Variants in KIAA1217 observed in about 807,000 individuals in gnomAD.
The protein encoded by KIAA1217 is sickle tail protein homolog.
A neutral mutation model predicts 163.9 loss-of-function variants in KIAA1217; 88 were observed. The observed-to-expected ratio is 0.54, with a 90% CI of 0.45 to 0.64. The LOEUF is 0.64. Ranked by LOEUF, KIAA1217 falls within the 30% of genes least tolerant of loss-of-function variation. The probability of loss-of-function intolerance (pLI) is 0.00; values close to 1 mark genes in which losing one functional copy is unlikely to be tolerated. For missense variants in KIAA1217, 2,372 were observed against 2,475.0 expected (o/e 0.96, Z 0.88); for synonymous variants, 903 against 923.1 (o/e 0.98, Z 0.39).
At chr10:23,850,455 C>T (rs1839255685) in intron 1 of KIAA1217, among the ~76,000 whole-genome samples, 1 of 152,064 alleles carries the variant, frequency 6.6e-6, no homozygotes, top group African/African-American at 2.4e-5. Context: ...AAACCAGATG[C>T]AGAAATGCAA....
intron 1 of KIAA1217, among the ~76,000 whole-genome samples, chr10:23,845,752 A>C (rs1288757509): frequency 2.0e-5 from 3 of 152,088 alleles, no homozygotes; most frequent in Non-Finnish European, 4.4e-5. Flanking sequence ...ACCATTTGTC[A>C]ATTTTGCCTT....
intron 1 of KIAA1217, among the ~76,000 whole-genome samples, chr10:23,710,538 T>G (rs1293812797): frequency 6.6e-6 from 1 of 152,164 alleles, no homozygotes; most frequent in East Asian, 1.9e-4. Context: ...AGAAACAGAG[T>G]AGCCTTATTG....
intron 1 of KIAA1217, among the ~76,000 whole-genome samples, chr10:23,889,356 C>T (rs1015361853): frequency 3.3e-5 from 5 of 151,834 alleles, no homozygotes; most frequent in Non-Finnish European, 7.4e-5. Context: ...TGCATATTGG[C>T]ACCTCATTGT....
chr10:24,315,676 A>G (rs2043257591), intron 2 of KIAA1217, among the ~76,000 whole-genome samples: 1 of 151,610 alleles, frequency 6.6e-6, no homozygotes, highest in Non-Finnish European at 1.5e-5. Context: ...AGGCAGGAGG[A>G]TCGAAGTCAA....
At chr10:24,272,003 C>T (rs2076815757) in intron 2 of KIAA1217, among the ~76,000 whole-genome samples, 1 of 151,996 alleles carries the variant, frequency 6.6e-6, no homozygotes, top group African/African-American at 2.4e-5. Context: ...AGACCAAAGC[C>T]CATGGGATGC....
At chr10:24,161,454 C>T (rs1160854987) in intron 2 of KIAA1217, among the ~76,000 whole-genome samples, 2 of 152,190 alleles carry the variant, frequency 1.3e-5, no homozygotes, top group South Asian at 2.1e-4. Flanking sequence ...ACTTTGTGAA[C>T]GCTGGGCTCT....
intron 2 of KIAA1217, among the ~76,000 whole-genome samples, chr10:24,094,457 C>T (rs1170384912): frequency 6.6e-6 from 1 of 152,202 alleles, no homozygotes; most frequent in Non-Finnish European, 1.5e-5. Context: ...ACAGACAGGA[C>T]CCTCAGCTGC....
chr10:24,232,986 A>T (rs1249653333), intron 2 of KIAA1217, among the ~76,000 whole-genome samples: 2 of 148,714 alleles, frequency 1.3e-5, no homozygotes, highest in Non-Finnish European at 3.0e-5. Flanking sequence ...TTAGCCAGGC[A>T]TAGTGGTGTA....
chr10:23,923,789 CT>C (rs1842929604), intron 1 of KIAA1217, among the ~76,000 whole-genome samples: 2 of 152,138 alleles, frequency 1.3e-5, no homozygotes, highest in Admixed American at 6.5e-5. Context: ...GGGAACAAAT[CT>C]GAGTGGTTTT....
intron 2 of KIAA1217, among the ~76,000 whole-genome samples, chr10:24,036,667 G>T (rs1848406707): frequency 6.6e-6 from 1 of 152,170 alleles, no homozygotes; most frequent in Non-Finnish European, 1.5e-5. Context: ...GCAAGAGAGA[G>T]AGCAAGAGAG....
At position 24,542,717 on chromosome 10, in the gene KIAA1217, G is replaced by A. The variant is rs762672106; in HGVS notation, c.3559G>A (p.Val1187Ile). ...GAATTTGGAATTTTTCCATGAAGAT[G>A]TACGGAAATCTGATGTTGAATATGA... ...KKNLEFFHED[V>I]RKSDVEYENG... is the part of the protein sequence containing the mutation. The change falls in exon 18 of 21, where the codon GTA (valine) becomes ATA (isoleucine). Residue 1187 changes from valine to isoleucine, a missense_variant. Physicochemically the swap from Val to Ile is conservative, Grantham distance 29. Coordinates refer to ENST00000376454, the MANE Select transcript of KIAA1217 (RefSeq NM_019590.5). The A allele has an allele frequency of 9.9e-6, 16 of 1,614,066 alleles. No individual in the cohort carries two copies. The South Asian group carries it at 1.3e-4, about 13-fold the overall frequency.
At chr10:24,447,972 A>C (rs1216775836) in intron 5 of KIAA1217, among the ~76,000 whole-genome samples, 2 of 152,078 alleles carry the variant, frequency 1.3e-5, no homozygotes, top group Non-Finnish European at 2.9e-5. Context: ...TCTACTAAAA[A>C]TACAAAAATT....
rs72335041 is a variant in KIAA1217 at position 24,442,911 on chromosome 10, A to ATTTTT, written c.846+4445_846+4449dup. Among the ~76,000 whole-genome samples the ATTTTT allele has an allele frequency of 1.1e-3, 144 of 136,558 alleles. 2 individuals are homozygous for ATTTTT. Among genetic ancestry groups the ATTTTT allele is most frequent in the African/African-American group, 3.7e-3 (134 of 36,708 alleles). The allele number at this position is 136,558 out of a possible 152,430, so 89.6% of individuals were successfully genotyped here. ...AGCATTTATTAAGCACTTTTGTGGG[A>ATTTTT]TTTTTTTTTTTTTTTTTGAGAGGGA... On this transcript the variant is annotated intron_variant, in intron 5 of 20. Coordinates refer to ENST00000376454, the MANE Select transcript of KIAA1217 (RefSeq NM_019590.5).
intron 1 of KIAA1217, among the ~76,000 whole-genome samples, chr10:23,810,423 A>G (rs1282023362): frequency 7.0e-6 from 1 of 143,814 alleles, no homozygotes; most frequent in African/African-American, 2.5e-5. Flanking sequence ...ATATACACAC[A>G]CGCTATATGT....
chr10:24,150,129 T>A (rs1220135672), intron 2 of KIAA1217, among the ~76,000 whole-genome samples: 1 of 152,178 alleles, frequency 6.6e-6, no homozygotes, highest in African/African-American at 2.4e-5. Context: ...GTGATTCTGC[T>A]GCCTCAGCCT....
intron 1 of KIAA1217, among the ~76,000 whole-genome samples, chr10:23,975,454 A>G (rs1392301022): frequency 1.3e-5 from 2 of 152,222 alleles, no homozygotes; most frequent in African/African-American, 4.8e-5. Context: ...GAGAAACACC[A>G]AATTTTCTTT....
intron 2 of KIAA1217, among the ~76,000 whole-genome samples, chr10:24,075,027 C>T (rs112989526): frequency 6.6e-6 from 1 of 151,676 alleles, no homozygotes; most frequent in African/African-American, 2.4e-5. Context: ...TCATGTAATA[C>T]CTAGCACCCT....
chr10:24,069,719 T>A (rs1564663111), intron 2 of KIAA1217, among the ~76,000 whole-genome samples: 2 of 152,346 alleles, frequency 1.3e-5, no homozygotes, highest in East Asian at 3.9e-4. Context: ...GGGAATTAAT[T>A]CATTTATTGC....
chr10:23,704,170 G>GTGTATATATATATATATATATATATA (rs1261345770), intron 1 of KIAA1217, among the ~76,000 whole-genome samples: 1 of 54,096 alleles, frequency 1.8e-5, no homozygotes, highest in Non-Finnish European at 3.0e-5. Flanking sequence ...GTGTGTGTGT[G>GTGTATATATATATATATATATATATA]TGTATATATA....
Sources: gnomAD v4.1 joint callset for allele counts (sites outside exome capture counted in the v4.1 genomes callset) on GRCh38, gnomAD v4.1.1 for gene constraint, MANE v1.5 for transcripts, NCBI Gene and HGNC (gene_info 2026-07-23, HGNC 2026-07-21) for gene names.